Variants in PRKDC observed in about 807,000 individuals in gnomAD.
PRKDC encodes the protein protein kinase, DNA-activated, catalytic subunit.
PRKDC carries 82 observed loss-of-function variants against 486.9 expected under a neutral mutation model. The observed-to-expected ratio is 0.17, with a 90% CI of 0.14 to 0.20. The LOEUF is 0.20. Among genes scored for constraint, PRKDC ranks in the 10% least tolerant of loss-of-function variants. PRKDC has a pLI of 1.00. For synonymous variants in PRKDC, 1,895 were observed against 1,837.0 expected (o/e 1.03, Z -0.81); for missense variants, 4,504 against 5,038.2 (o/e 0.89, Z 3.21).
intron 68 of PRKDC, among the ~76,000 whole-genome samples, chr8:47,812,102 T>C (rs745421386): frequency 1.3e-5 from 2 of 152,226 alleles, no homozygotes; most frequent in South Asian, 2.1e-4. Flanking sequence ...CAGTTATCCA[T>C]ATGTATGTAC....
rs757780926 is a variant in PRKDC, at chr8:47,782,588, A to G, written c.11186T>C (p.Met3729Thr). 6.4e-7 allele frequency: 1 copy of G among 1,558,388 alleles called. No homozygotes were observed. The change falls in exon 79 of 86, where the codon ATG (methionine) becomes ACG (threonine). Residue 3729 changes from methionine (M) to threonine (T), a missense_variant. Met to Thr is a moderately conservative substitution (Grantham distance 81). Transcript: ENST00000314191. This position sits in a 1 kb window ranked among gnomAD's most constrained non-coding sequence, Gnocchi z 4.9. ...IAGFDERVTVMASLRRPKRII... is the reference protein window; with the variant it reads ...IAGFDERVTVTASLRRPKRII... ...GCGCTTGGGCCTTCGCAGAGACGCCATGACTGTCACCTTCAAAAATCAGAA... is the reference window on the plus strand; with the variant it reads ...GCGCTTGGGCCTTCGCAGAGACGCCGTGACTGTCACCTTCAAAAATCAGAA...
chr8:47,783,393 G>A (rs1223713993), intron 78 of PRKDC, among the ~76,000 whole-genome samples: 1 of 151,580 alleles, frequency 6.6e-6, no homozygotes, highest in Admixed American at 6.6e-5. Context: ...TTCAAGACCA[G>A]CCTAGCCAAC....
chr8:47,794,132 C>A (rs572758543), intron 74 of PRKDC, among the ~76,000 whole-genome samples, 158 bp downstream of exon 74: 1 of 152,170 alleles, frequency 6.6e-6, no homozygotes, highest in East Asian at 1.9e-4. Flanking sequence ...AGTAACATAC[C>A]CAGAATAGAT....
intron 40 of PRKDC, among the ~76,000 whole-genome samples, chr8:47,873,032 T>C (rs2088993807): frequency 6.6e-6 from 1 of 152,094 alleles, no homozygotes; most frequent in Non-Finnish European, 1.5e-5. Flanking sequence ...GGATAGAGCA[T>C]ATGTTAGGCC....
intron 21 of PRKDC, among the ~76,000 whole-genome samples, chr8:47,920,710 C>G (rs990574987): frequency 6.6e-6 from 1 of 152,130 alleles, no homozygotes; most frequent in African/African-American, 2.4e-5. Context: ...AAATATAACA[C>G]GAACATGCAC....
intron 63 of PRKDC, among the ~76,000 whole-genome samples, chr8:47,826,385 G>A (rs1427609811): frequency 6.6e-6 from 1 of 152,156 alleles, no homozygotes; most frequent in Admixed American, 6.5e-5. Flanking sequence ...AACTAAACTT[G>A]GTGAATAATA....
intron 16 of PRKDC, among the ~76,000 whole-genome samples, chr8:47,932,808 TA>T (rs1589801959): frequency 6.6e-6 from 1 of 152,132 alleles, no homozygotes; most frequent in East Asian, 1.9e-4. Flanking sequence ...AAAATTAACA[TA>T]TATAAATTAC....
intron 24 of PRKDC, 99 bp downstream of exon 24, chr8:47,913,802 A>G (rs2089944972): frequency 1.7e-6 from 2 of 1,171,320 alleles, no homozygotes; most frequent in Admixed American, 5.7e-5. Context: ...CAAAATTACT[A>G]ATATTGGAAT....
At chr8:47,861,730 C>T (rs137891148) in intron 44 of PRKDC, among the ~76,000 whole-genome samples, 2 of 152,370 alleles carry the variant, frequency 1.3e-5, no homozygotes, top group African/African-American at 4.8e-5. Context: ...GATCCTGCCA[C>T]GTTGCCCAAG....
At chr8:47,816,546 A>T (rs554333855) in intron 68 of PRKDC, among the ~76,000 whole-genome samples, 1 of 152,352 alleles carries the variant, frequency 6.6e-6, no homozygotes, top group South Asian at 2.1e-4. Context: ...AAGGTTCATC[A>T]CTGAACAGTA....
intron 7 of PRKDC, among the ~76,000 whole-genome samples, chr8:47,944,437 A>G (rs899286289): frequency 2.6e-5 from 4 of 151,652 alleles, no homozygotes; most frequent in Non-Finnish European, 4.4e-5. Context: ...ATTCTCCCCA[A>G]TACACCCAGG....
chr8:47,783,138 C>A (rs2086725056), intron 78 of PRKDC: 1 of 159,436 alleles, frequency 6.3e-6, no homozygotes, highest in Non-Finnish European at 1.4e-5. Context: ...ATTAGCCAGG[C>A]ATGGTGGCGC....
In PRKDC at chr8:47,826,860, T is replaced by C. The variant is rs899644486; in HGVS notation, c.8579A>G (p.Asp2860Gly). 2 of 1,573,150 alleles carry C rather than the reference T, an allele frequency of 1.3e-6. No individual in the cohort carries two copies. Among genetic ancestry groups the C allele is most frequent in the African/African-American group, 1.3e-5 (1 of 74,212 alleles). The change falls in exon 63 of 86, where the codon GAC (aspartate) becomes GGC (glycine). Residue 2860 changes from aspartate to glycine, a missense_variant and splice_region_variant. Physicochemically the swap from Asp to Gly is moderately conservative, Grantham distance 94 (BLOSUM62 -1). Around this residue, in one of 6 missense-constraint regions of PRKDC, gnomAD observed 1,592 missense variants for 1,724.6 expected, o/e 0.92. Coordinates refer to ENST00000314191, the MANE Select transcript of PRKDC (RefSeq NM_006904.7). ...FFPPFVSCIQ[D>G]ISCQHAALLS... Reference sequence around the variant, plus strand: ...CAGGGCTGCGTGCTGACAGCTAATGTCCTGTGAAACCACACATACAACCAG... The same window carrying C: ...CAGGGCTGCGTGCTGACAGCTAATGCCCTGTGAAACCACACATACAACCAG...
chr8:47,798,044 G>C (rs924276873), intron 73 of PRKDC, among the ~76,000 whole-genome samples, 193 bp downstream of exon 73: 1 of 152,194 alleles, frequency 6.6e-6, no homozygotes, highest in African/African-American at 2.4e-5. Flanking sequence ...CACCCACAGA[G>C]GAAAATGGGT....
chr8:47,831,888 G>T lies in PRKDC; in HGVS notation c.8191C>A (p.Arg2731=). 1.9e-6 allele frequency: 3 copies of T among 1,613,922 alleles called. No individual in the cohort carries two copies. Among genetic ancestry groups the T allele is most frequent in the Non-Finnish European group, 2.5e-6 (3 of 1,179,856 alleles). ...GRTDLLRLRR[R]FMRDQEKLSL... ...AGCTTCTCCTGGTCCCTCATAAACC[G>T]TCTGCGCAGTCGTAGTAGGTCCGTC... The change falls in exon 60 of 86, where the codon CGG becomes AGG. Residue 2731 remains arginine (R), a synonymous_variant. Coordinates refer to ENST00000314191, the MANE Select transcript of PRKDC (RefSeq NM_006904.7).
In PRKDC at chr8:47,889,129, C is replaced by T. The variant is rs1445022618; in HGVS notation, c.4165G>A (p.Val1389Ile). The T allele has an allele frequency of 8.1e-6, 13 of 1,613,890 alleles. No homozygotes were observed. Among genetic ancestry groups the T allele is most frequent in the Middle Eastern group, 1.6e-4 (1 of 6,078 alleles). The part of the protein sequence containing the change: ...PASIGFNIGD[V>I]QVMAHLPDVC... ...TCAGGAAGATGAGCCATAACCTGGA[C>T]GTCTCCGATGTTGAAACCTATGCTT... Residue 1389 changes from valine (V) to isoleucine (I), a missense_variant, in exon 33 of 86, where the codon GTC (valine) becomes ATC (isoleucine). Coordinates refer to ENST00000314191, the MANE Select transcript of PRKDC (RefSeq NM_006904.7).
intron 30 of PRKDC, 112 bp from the exon 31 acceptor site, chr8:47,893,499 G>T: frequency 8.9e-7 from 1 of 1,126,452 alleles, no homozygotes. Flanking sequence ...ATTTTACTAC[G>T]CATTCAACTT....
At chr8:47,946,741 T>G (rs1225160122) in intron 7 of PRKDC, among the ~76,000 whole-genome samples, 2 of 152,146 alleles carry the variant, frequency 1.3e-5, no homozygotes, top group Admixed American at 1.3e-4. Flanking sequence ...ACACCTGATA[T>G]CTAAGCCTGG....
chr8:47,820,645 TCA>T (rs1461387550), intron 66 of PRKDC, 72 bp downstream of exon 66: 2 of 876,650 alleles, frequency 2.3e-6, no homozygotes, highest in African/African-American at 3.5e-5. Flanking sequence ...ATAGTATATT[TCA>T]GATAGATCCA....
Sources: gnomAD v4.1 joint callset for allele counts (sites outside exome capture counted in the v4.1 genomes callset) on GRCh38, gnomAD v4.1.1 for gene constraint, gnomAD v4.1.1 regional missense constraint, Gnocchi (gnomAD v3.1) non-coding constraint, MANE v1.5 for transcripts, NCBI Gene and HGNC (gene_info 2026-07-23, HGNC 2026-07-21) for gene names.